The following CDH12 variants were observed in gnomAD, a reference collection of about 807,000 sequenced individuals.
CDH12 encodes the protein cadherin 12.
Under a neutral mutation model 74.1 loss-of-function variants are expected in CDH12, and 41 were observed. The observed-to-expected ratio is 0.55, with a 90% CI of 0.43 to 0.72. The LOEUF (loss-of-function observed/expected upper bound fraction) is 0.72, where lower values mean the gene tolerates loss of function less well. Ranked by LOEUF, CDH12 falls within the 30% of genes least tolerant of loss-of-function variation. The pLI is 0.00. For missense variants in CDH12, 945 were observed against 977.2 expected (o/e 0.97, Z 0.44); for synonymous variants, 399 against 355.0 (o/e 1.12, Z -1.39).
intron 6 of CDH12, among the ~76,000 whole-genome samples, chr5:21,877,431 T>C (rs1294268808): frequency 6.6e-6 from 1 of 152,292 alleles, no homozygotes; most frequent in Non-Finnish European, 1.5e-5. Context: ...TATTTATTTA[T>C]GGAATCTCAG....
intron 3 of CDH12, among the ~76,000 whole-genome samples, chr5:22,389,280 C>T (rs781753983): frequency 5.3e-4 from 80 of 152,226 alleles, no homozygotes; most frequent in Non-Finnish European, 3.2e-4. Context: ...CTTAACAATA[C>T]CACCTTTTCT....
intron 2 of CDH12, among the ~76,000 whole-genome samples, chr5:22,477,665 T>C (rs904952315): frequency 6.6e-6 from 1 of 152,162 alleles, no homozygotes; most frequent in African/African-American, 2.4e-5. Flanking sequence ...CACTACAGTG[T>C]CTTCCACAAT....
chr5:22,719,988 C>A (rs892247465), intron 1 of CDH12, among the ~76,000 whole-genome samples: 1 of 151,874 alleles, frequency 6.6e-6, no homozygotes, highest in African/African-American at 2.4e-5. Context: ...ATGTGTTTGT[C>A]TTTTCAACCA....
At chr5:22,713,055 G>A (rs1580915918) in intron 1 of CDH12, among the ~76,000 whole-genome samples, 1 of 150,278 alleles carries the variant, frequency 6.7e-6, no homozygotes, top group South Asian at 2.1e-4. Flanking sequence ...AATACTTAAC[G>A]ATTATCAAGT....
chr5:21,974,970 T>C (rs1450671189), intron 6 of CDH12, 121 bp downstream of exon 6: 1 of 720,440 alleles, frequency 1.4e-6, no homozygotes, highest in Admixed American at 2.5e-5. Context: ...AAAAGAACTG[T>C]ATTTTCTAGA....
intron 4 of CDH12, among the ~76,000 whole-genome samples, chr5:22,104,853 T>A (rs184975018): frequency 1.3e-5 from 2 of 152,294 alleles, no homozygotes; most frequent in African/African-American, 4.8e-5. Flanking sequence ...ATAAAAATTT[T>A]ACAAAGCCAC....
chr5:22,103,817 A>G (rs1744280423), intron 4 of CDH12, among the ~76,000 whole-genome samples: 1 of 152,210 alleles, frequency 6.6e-6, no homozygotes, highest in Non-Finnish European at 1.5e-5. Context: ...TGTAGTGAAT[A>G]TTTATCCAAA....
chr5:22,144,916 A>G (rs930806902), intron 4 of CDH12, among the ~76,000 whole-genome samples: 11 of 152,114 alleles, frequency 7.2e-5, no homozygotes, highest in African/African-American at 1.2e-4. Flanking sequence ...TATTCTGTAG[A>G]GTCAAATCAG....
chr5:21,868,685 T>C (rs577884421), intron 6 of CDH12, among the ~76,000 whole-genome samples: 13 of 152,316 alleles, frequency 8.5e-5, no homozygotes, highest in African/African-American at 2.9e-4. Context: ...TGTCCCACCA[T>C]TGTATTTTGG....
At chr5:21,823,118 T>G (rs979435303) in intron 8 of CDH12, among the ~76,000 whole-genome samples, 6 of 152,076 alleles carry the variant, frequency 3.9e-5, no homozygotes, top group Non-Finnish European at 7.4e-5. Context: ...GTGTTTTTCT[T>G]GATGGCATTT....
intron 1 of CDH12, among the ~76,000 whole-genome samples, chr5:22,673,933 G>T (rs983175595): frequency 1.4e-4 from 21 of 152,176 alleles, no homozygotes; most frequent in Admixed American, 1.3e-3. Flanking sequence ...ATCTTTTAGA[G>T]TAGAATCTCC....
At chr5:22,184,464 T>G (rs10473580) in intron 4 of CDH12, among the ~76,000 whole-genome samples, 57 of 152,326 alleles carry the variant, frequency 3.7e-4, no homozygotes, top group African/African-American at 1.4e-3. Flanking sequence ...TCCTTCTTCA[T>G]CCATTCCTCA....
intron 3 of CDH12, among the ~76,000 whole-genome samples, chr5:22,236,498 C>T (rs929476686): frequency 7.2e-5 from 11 of 151,830 alleles, no homozygotes; most frequent in African/African-American, 2.4e-4. Flanking sequence ...TTTGGGAGGC[C>T]GAGGTGGGCA....
At chr5:22,792,887 A>G (rs1477244980) in intron 1 of CDH12, among the ~76,000 whole-genome samples, 1 of 152,188 alleles carries the variant, frequency 6.6e-6, no homozygotes, top group Non-Finnish European at 1.5e-5. Flanking sequence ...ATTTATTTAG[A>G]TAAAGGAAAT....
intron 5 of CDH12, among the ~76,000 whole-genome samples, chr5:22,056,491 C>T (rs1305752289): frequency 1.3e-5 from 2 of 152,072 alleles, no homozygotes; most frequent in Non-Finnish European, 2.9e-5. Context: ...CATACTTGTG[C>T]TAGGAGATTC....
At chr5:22,577,907 G>A (rs1272610276) in intron 1 of CDH12, among the ~76,000 whole-genome samples, 1 of 152,144 alleles carries the variant, frequency 6.6e-6, no homozygotes, top group Non-Finnish European at 1.5e-5. Flanking sequence ...ATAAATTATA[G>A]CTAGAAAATT....
intron 6 of CDH12, among the ~76,000 whole-genome samples, chr5:21,900,576 G>A (rs12516362): frequency 0.013 from 1,957 of 152,222 alleles, 92 homozygotes; most frequent in Admixed American, 0.082. Context: ...CTCTGCCACC[G>A]TAACAACCAA....
intron 1 of CDH12, among the ~76,000 whole-genome samples, chr5:22,624,333 C>T (rs1021474586): frequency 7.6e-6 from 1 of 131,854 alleles, no homozygotes; most frequent in African/African-American, 2.7e-5. Context: ...AACTAAAGAG[C>T]TGCACAGCAG....
rs375755931 is a variant in CDH12, at chr5:22,045,263, T to C, written c.231+33183A>G. The stretch of plus-strand genomic sequence containing the variant: ...AGATTGCACCTTACTCCAGTTACAA[T>C]GGCTATTATCAAAAAGACAATAGAT... On this transcript the variant is annotated intron_variant, in intron 5 of 14. Transcript: ENST00000382254. Among the ~76,000 whole-genome samples, 604 of 152,268 alleles carry C rather than the reference T, an allele frequency of 4.0e-3. 9 individuals are homozygous for C. Among genetic ancestry groups the C allele is most frequent in the African/African-American group, 0.014 (569 of 41,570 alleles).
Sources: allele counts gnomAD v4.1 joint callset (sites outside exome capture counted in the v4.1 genomes callset), GRCh38; gene constraint gnomAD v4.1.1; transcripts MANE v1.5; gene names NCBI Gene and HGNC (gene_info 2026-07-23, HGNC 2026-07-21).